The following DAB1 variants were observed in gnomAD, a reference collection of about 807,000 sequenced individuals.
The protein encoded by DAB1 is disabled homolog 1.
In DAB1, 15 loss-of-function variants were observed where a neutral mutation model predicts 64.6. That is an observed-to-expected ratio of 0.23 (90% confidence interval 0.16 to 0.36). The LOEUF is 0.36. Ranked by LOEUF, DAB1 falls within the 10% of genes least tolerant of loss-of-function variation. DAB1 has a pLI of 1.00. For missense variants in DAB1, 596 were observed against 706.7 expected (o/e 0.84, Z 1.78); for synonymous variants, 235 against 251.9 (o/e 0.93, Z 0.64).
intron 5 of DAB1, among the ~76,000 whole-genome samples, chr1:58,095,159 C>G (rs566557200): frequency 6.6e-6 from 1 of 152,158 alleles, no homozygotes; most frequent in Admixed American, 6.5e-5. Flanking sequence ...CCTCCTTATT[C>G]TCATCCCCCA....
intron 7 of DAB1, among the ~76,000 whole-genome samples, chr1:57,581,676 T>C (rs907073580): frequency 6.7e-6 from 1 of 148,682 alleles, no homozygotes; most frequent in Non-Finnish European, 1.5e-5. Context: ...ATATACCACA[T>C]TATATATTAT....
intron 2 of DAB1, among the ~76,000 whole-genome samples, chr1:57,223,262 AGGAAAGT>A (rs1667019771): frequency 1.3e-5 from 2 of 152,244 alleles, no homozygotes; most frequent in African/African-American, 4.8e-5. Context: ...AACATCATTC[AGGAAAGT>A]GGAGCTTTCC....
chr1:58,489,716 C>CAGTACTGACACAGACTGACACCTCAG (rs1645643668), intron 3 of DAB1, among the ~76,000 whole-genome samples: 2 of 152,180 alleles, frequency 1.3e-5, no homozygotes, highest in Non-Finnish European at 2.9e-5. Flanking sequence ...TGACACCTCA[C>CAGTACTGACACAGACTGACACCTCAG]AGGGCCGGGT....
chr1:57,831,038 C>T (rs1220218597), intron 1 of DAB1, among the ~76,000 whole-genome samples: 2 of 152,130 alleles, frequency 1.3e-5, no homozygotes, highest in Admixed American at 6.5e-5. Context: ...CTTAGCCTCC[C>T]GAGCAGCTGA....
intron 3 of DAB1, among the ~76,000 whole-genome samples, chr1:58,482,484 G>T (rs1196355392): frequency 6.6e-6 from 1 of 151,916 alleles, no homozygotes; most frequent in Non-Finnish European, 1.5e-5. Flanking sequence ...AGGATAAATG[G>T]TCTTAATATT....
chr1:58,300,646 G>GAGAGAGGA (rs1662140791), intron 4 of DAB1, among the ~76,000 whole-genome samples: 8 of 57,338 alleles, frequency 1.4e-4, no homozygotes, highest in African/African-American at 5.3e-4. Context: ...GAGAGAGAGA[G>GAGAGAGGA]AGGAAGGAAG....
intron 14 of DAB1, among the ~76,000 whole-genome samples, chr1:56,998,872 G>C (rs1355559063): frequency 1.3e-5 from 2 of 152,114 alleles, no homozygotes; most frequent in African/African-American, 4.8e-5. Flanking sequence ...ACCTAGATAG[G>C]AAACAGCGTT....
At chr1:57,476,253 AC>A (rs1643936126) in intron 7 of DAB1, among the ~76,000 whole-genome samples, 1 of 151,456 alleles carries the variant, frequency 6.6e-6, no homozygotes, top group African/African-American at 2.4e-5. Context: ...AAAAACAAAA[AC>A]AAAAAAAAAC....
chr1:58,114,207 A>G (rs1416357386), intron 5 of DAB1, among the ~76,000 whole-genome samples: 2 of 152,142 alleles, frequency 1.3e-5, no homozygotes, highest in Admixed American at 1.3e-4. Context: ...GGTTGCAGTG[A>G]GCTGAGATCA....
chr1:57,956,844 C>T (rs756952551), intron 5 of DAB1, among the ~76,000 whole-genome samples: 1 of 152,184 alleles, frequency 6.6e-6, no homozygotes, highest in Non-Finnish European at 1.5e-5. Context: ...TTAGGACCAT[C>T]TTGGAAAGAC....
chr1:58,517,002 T>C (rs1046775111), intron 2 of DAB1, among the ~76,000 whole-genome samples: 14 of 152,132 alleles, frequency 9.2e-5, no homozygotes, highest in Non-Finnish European at 1.3e-4. Context: ...AATGCTACAA[T>C]GGCAAGAAGT....
chr1:57,613,060 C>T lies in DAB1; in HGVS notation n.625+36532G>A, dbSNP rs1358422215. On this transcript the variant is annotated intron_variant and non_coding_transcript_variant, in intron 7 of 20. Transcript: ENST00000485760. ...CAGGTGATTTGAAGGAAGTAGCATACATTTGTCAAATTGAATGATCTGGAA... is the reference window on the plus strand; with the variant it reads ...CAGGTGATTTGAAGGAAGTAGCATATATTTGTCAAATTGAATGATCTGGAA... Among the ~76,000 whole-genome samples, 3 of 152,118 alleles carry T rather than the reference C, an allele frequency of 2.0e-5. No homozygotes were observed. In the East Asian group the frequency reaches 5.8e-4, roughly 29 times the overall value.
intron 7 of DAB1, among the ~76,000 whole-genome samples, chr1:57,556,860 TC>T (rs1218892126): frequency 2.6e-4 from 40 of 152,366 alleles, no homozygotes; most frequent in African/African-American, 8.7e-4. Context: ...TAAGCCAATG[TC>T]TAGAAGGGTT....
intron 7 of DAB1, among the ~76,000 whole-genome samples, chr1:57,637,138 C>T (rs1457258127): frequency 6.6e-6 from 1 of 152,222 alleles, no homozygotes. Context: ...GAGATACTTA[C>T]TATCTACTAA....
At chr1:57,442,757 T>C (rs1686002081) in intron 7 of DAB1, among the ~76,000 whole-genome samples, 1 of 152,100 alleles carries the variant, frequency 6.6e-6, no homozygotes, top group Non-Finnish European at 1.5e-5. Flanking sequence ...CATGGAGGAG[T>C]GCCGCCCCTG....
intron 6 of DAB1, among the ~76,000 whole-genome samples, chr1:57,724,848 C>G (rs1286242889): frequency 5.3e-5 from 8 of 152,202 alleles, no homozygotes; most frequent in Non-Finnish European, 8.8e-5. Flanking sequence ...GACTATCCCC[C>G]ACTCCTTAGT....
chr1:57,905,285 T>C (rs922216620), intron 5 of DAB1, among the ~76,000 whole-genome samples: 36 of 151,856 alleles, frequency 2.4e-4, no homozygotes, highest in Non-Finnish European at 7.4e-5. Context: ...CGCTTTCTTC[T>C]GTAGCAGAGC....
At chr1:57,369,533 T>TGGATATATATA (rs1189223248) in intron 1 of DAB1, among the ~76,000 whole-genome samples, 3 of 152,298 alleles carry the variant, frequency 2.0e-5, no homozygotes, top group East Asian at 3.9e-4. Context: ...TGCATTGGCC[T>TGGATATATATA]ACAAAGTGGT....
At chr1:57,425,786 G>C (rs763521694), upstream of DAB1, among the ~76,000 whole-genome samples, 1 of 152,126 alleles carries the variant, frequency 6.6e-6, no homozygotes, top group Non-Finnish European at 1.5e-5. Context: ...GATAATCTAC[G>C]AGTGGGGAGC....
Sources: allele counts gnomAD v4.1 joint callset (sites outside exome capture counted in the v4.1 genomes callset), GRCh38; gene constraint gnomAD v4.1.1; transcripts MANE v1.5; gene names NCBI Gene and HGNC (gene_info 2026-07-23, HGNC 2026-07-21).